Variants in PTPRD observed in about 807,000 individuals in gnomAD.
PTPRD encodes receptor-type tyrosine-protein phosphatase delta.
A neutral mutation model predicts 214.5 loss-of-function variants in PTPRD; 34 were observed. The observed-to-expected ratio is 0.16, with a 90% CI of 0.12 to 0.21. PTPRD has a LOEUF of 0.21. Ranked by LOEUF, PTPRD falls within the 10% of genes least tolerant of loss-of-function variation. The pLI, the probability that PTPRD is intolerant of heterozygous loss-of-function variation, is 1.00. For synonymous variants in PTPRD, 1,128 were observed against 845.7 expected (o/e 1.33, Z -5.79); for missense variants, 2,545 against 2,398.7 (o/e 1.06, Z -1.27).
chr9:10,043,058 T>A (rs998916353), intron 3 of PTPRD, among the ~76,000 whole-genome samples: 131 of 151,516 alleles, frequency 8.6e-4, no homozygotes, highest in African/African-American at 3.1e-3. Flanking sequence ...ATTTCTGAAT[T>A]AAATTTCTCA....
chr9:9,741,279 G>T (rs2098398036), intron 6 of PTPRD, among the ~76,000 whole-genome samples: 1 of 152,038 alleles, frequency 6.6e-6, no homozygotes. Flanking sequence ...AGTGATAGAA[G>T]AAACATGGGA....
At position 8,553,387 on chromosome 9, in the gene PTPRD, G is replaced by A. The variant is rs150802811; in HGVS notation, c.353-24608C>T. ...AAACAGTGGGCCTGAGTCCCCTGGC[G>A]TGGCGTGAAAACAAGGAGCAATTTG... is the stretch of plus-strand genomic sequence containing the variant. On this transcript the variant is annotated intron_variant, in intron 14 of 45. Coordinates refer to ENST00000381196, the MANE Select transcript of PTPRD (RefSeq NM_002839.4). Among the ~76,000 whole-genome samples the A allele has an allele frequency of 2.7e-3, 414 of 152,272 alleles. 2 individuals carry two copies. Among genetic ancestry groups the A allele is most frequent in the African/African-American group, 9.4e-3 (391 of 41,540 alleles).
chr9:9,942,885 GCT>G lies in PTPRD; in HGVS notation c.-471-4277_-471-4276del, dbSNP rs538038290. Among the ~76,000 whole-genome samples the G allele has an allele frequency of 1.3e-3, 181 of 141,590 alleles. 1 individual carries two copies. The highest frequency in any genetic ancestry group is 1.8e-3 in the African/African-American group (64 of 35,146). 92.9% of individuals were successfully genotyped at this position (141,590 alleles called of 152,430 possible). A position where few individuals can be genotyped will look rare whatever the true frequency, so the allele number is the denominator to read the frequency against. On this transcript the variant is annotated intron_variant, in intron 4 of 45. Transcript: ENST00000381196. ...CCATTAACTACGTCAGCAAAACATT[GCT>G]CTGAGTTGTTTTTTTTTTTTTTTAA...
intron 8 of PTPRD, among the ~76,000 whole-genome samples, chr9:9,398,311 A>T (rs1046786088): frequency 4.0e-5 from 6 of 151,852 alleles, no homozygotes; most frequent in South Asian, 2.1e-4. Flanking sequence ...TATTTATCAG[A>T]TTCTATTTTG....
intron 14 of PTPRD, among the ~76,000 whole-genome samples, chr9:8,625,358 TA>T (rs1170264399): frequency 1.3e-5 from 2 of 151,834 alleles, no homozygotes; most frequent in Non-Finnish European, 2.9e-5. Flanking sequence ...AGTTGACCAG[TA>T]AATGACAGAT....
At chr9:10,305,398 A>C (rs1334402444) in intron 3 of PTPRD, among the ~76,000 whole-genome samples, 1 of 150,824 alleles carries the variant, frequency 6.6e-6, no homozygotes, top group African/African-American at 2.4e-5. Context: ...AAAAAAAAAA[A>C]AAAAAGCCAA....
At chr9:10,294,439 C>T (rs2154402291) in intron 3 of PTPRD, among the ~76,000 whole-genome samples, 1 of 152,008 alleles carries the variant, frequency 6.6e-6, no homozygotes, top group African/African-American at 2.4e-5. Context: ...GTGGTGCTTT[C>T]CACAATTTGG....
At chr9:9,655,058 A>C (rs917306111) in intron 7 of PTPRD, among the ~76,000 whole-genome samples, 1 of 152,076 alleles carries the variant, frequency 6.6e-6, no homozygotes, top group African/African-American at 2.4e-5. Flanking sequence ...TGTTTACTTT[A>C]GGCCTTGAGA....
At chr9:9,754,955 G>A (rs1266338483) in intron 6 of PTPRD, among the ~76,000 whole-genome samples, 3 of 151,918 alleles carry the variant, frequency 2.0e-5, no homozygotes, top group Non-Finnish European at 4.4e-5. Context: ...AGACTTTAAG[G>A]ACTTGAAAGC....
intron 4 of PTPRD, among the ~76,000 whole-genome samples, chr9:10,007,253 T>C (rs1031175710): frequency 2.6e-5 from 4 of 152,120 alleles, no homozygotes; most frequent in Middle Eastern, 3.4e-3. Context: ...TTTATTACTT[T>C]TACTTTATCA....
At chr9:9,993,619 T>G (rs904014503) in intron 4 of PTPRD, among the ~76,000 whole-genome samples, 2 of 151,818 alleles carry the variant, frequency 1.3e-5, no homozygotes, top group Non-Finnish European at 2.9e-5. Flanking sequence ...ACGCTGGAAG[T>G]AAGACTAACT....
chr9:10,602,655 A>G (rs1680124684), intron 2 of PTPRD, among the ~76,000 whole-genome samples: 1 of 151,892 alleles, frequency 6.6e-6, no homozygotes, highest in African/African-American at 2.4e-5. Flanking sequence ...TAAATAAGAG[A>G]CAGAATAGAT....
At position 8,523,538 on chromosome 9, in the gene PTPRD, G is replaced by A. The variant is rs1450915102; in HGVS notation, c.680-14C>T. 1.2e-6 allele frequency: 2 copies of A among 1,613,016 alleles called. No individual in the cohort carries two copies. The highest frequency in any genetic ancestry group is 1.7e-6 in the Non-Finnish European group (2 of 1,179,396). On this transcript the variant is annotated splice_polypyrimidine_tract_variant and intron_variant, in intron 18 of 45. Coordinates refer to ENST00000381196, the MANE Select transcript of PTPRD (RefSeq NM_002839.4). ...CTTCTCGCAGCTCTGAGGGATGTAGGGGGTTTGATGCAGAACACAATGAAA... is the reference window on the plus strand; with the variant it reads ...CTTCTCGCAGCTCTGAGGGATGTAGAGGGTTTGATGCAGAACACAATGAAA...
chr9:9,946,915 A>C (rs922640066), intron 4 of PTPRD, among the ~76,000 whole-genome samples: 3 of 152,068 alleles, frequency 2.0e-5, no homozygotes, highest in African/African-American at 7.2e-5. Context: ...CTGACACATT[A>C]TCATTTTTAC....
chr9:9,301,668 G>A (rs781240449), intron 9 of PTPRD, among the ~76,000 whole-genome samples: 5 of 151,800 alleles, frequency 3.3e-5, no homozygotes, highest in African/African-American at 9.7e-5. Flanking sequence ...TGTCTCAATT[G>A]TTTATTGCAT....
At chr9:8,392,321 A>G (rs2089879467) in intron 36 of PTPRD, among the ~76,000 whole-genome samples, 2 of 152,014 alleles carry the variant, frequency 1.3e-5, no homozygotes, top group African/African-American at 2.4e-5. Flanking sequence ...AGAATAGCAC[A>G]TGACAAGTCT....
chr9:9,528,406 T>C (rs2074656034), intron 8 of PTPRD, among the ~76,000 whole-genome samples: 2 of 152,138 alleles, frequency 1.3e-5, no homozygotes, highest in African/African-American at 4.8e-5. Context: ...ATTTCTTTAG[T>C]TTGGAAGCTA....
chr9:8,559,622 A>T (rs1243023416), intron 14 of PTPRD, among the ~76,000 whole-genome samples: 1 of 152,194 alleles, frequency 6.6e-6, no homozygotes, highest in Non-Finnish European at 1.5e-5. Context: ...TTTTCTGCAC[A>T]CAGAACCATG....
At chr9:9,454,987 T>G (rs1049376196) in intron 8 of PTPRD, among the ~76,000 whole-genome samples, 2 of 151,708 alleles carry the variant, frequency 1.3e-5, no homozygotes, top group Non-Finnish European at 3.0e-5. Context: ...AGGGCACAGA[T>G]TTATTCTATT....
Sources: allele counts gnomAD v4.1 joint callset (sites outside exome capture counted in the v4.1 genomes callset), GRCh38; gene constraint gnomAD v4.1.1; transcripts MANE v1.5; gene names NCBI Gene and HGNC (gene_info 2026-07-23, HGNC 2026-07-21).